PPL: variants seen among roughly 807,000 people sequenced by gnomAD.
PPL encodes the protein periplakin.
In PPL, 198 loss-of-function variants were observed where a neutral mutation model predicts 194.4. That is an observed-to-expected ratio of 1.02 (90% CI 0.91 to 1.15). The LOEUF (loss-of-function observed/expected upper bound fraction) is 1.15, where lower values mean the gene tolerates loss of function less well. Ranked by LOEUF, PPL falls within the 50% of genes most tolerant of loss-of-function variation. The pLI is 0.00. For missense variants in PPL, 2,885 were observed against 2,294.8 expected, an observed-to-expected ratio of 1.26 and a Z score of -5.25; for synonymous variants, 1,220 against 972.4, an observed-to-expected ratio of 1.25 and a Z score of -4.74.
chr16:4,909,707 G>C (rs138117077), intron 2 of PPL, among the ~76,000 whole-genome samples: 5 of 152,086 alleles, frequency 3.3e-5, no homozygotes, highest in African/African-American at 1.2e-4. Context: ...GATTACGGCC[G>C]TGTGAGCCAT....
chr16:4,893,524 G>C lies in PPL; in HGVS notation c.1492+17C>G, dbSNP rs952905992. ...CCGGTACCCCCAGAGCCTCAGGCGA[G>C]TGGCCCTGGCACCCACCTCCGGGAT... On this transcript the variant is annotated intron_variant, in intron 13 of 21. Transcript: ENST00000345988. 1.9e-6 allele frequency: 3 copies of C among 1,611,276 alleles called. No individual in the cohort carries two copies. The highest frequency in any genetic ancestry group is 4.5e-5 in the East Asian group (2 of 44,786).
chr16:4,884,324 G>T lies in PPL; in HGVS notation c.4331C>A (p.Thr1444Lys), dbSNP rs367794477. Residue 1444 changes from threonine to lysine, a missense_variant, in exon 22 of 22, where the codon ACG (threonine) becomes AAG (lysine). By Grantham distance (78) the Thr-to-Lys change is moderately conservative (BLOSUM62 -1). Coordinates refer to ENST00000345988, the MANE Select transcript of PPL (RefSeq NM_002705.5). The surrounding 1 kb of genome is among the most constrained non-coding windows in gnomAD (Gnocchi z 5.7). ...EAEAREKVTH[T>K]QKVVLQQDPQ... ...GTCCTGCTGCAGCACCACCTTCTGC[G>T]TATGGGTTACCTTCTCACGGGCCTC... is the stretch of plus-strand genomic sequence containing the variant. The T allele has an allele frequency of 6.2e-7, 1 of 1,613,122 alleles. No individual in the cohort carries two copies. Among genetic ancestry groups the T allele is most frequent in the East Asian group, 2.2e-5 (1 of 44,864 alleles).
At chr16:4,909,362 G>A (rs1026236782) in intron 2 of PPL, among the ~76,000 whole-genome samples, 2 of 151,692 alleles carry the variant, frequency 1.3e-5, no homozygotes, top group African/African-American at 2.4e-5. Flanking sequence ...CAGCTTGGCC[G>A]GGTAGACCTT....
At chr16:4,897,248 T>A (rs1233932732) in intron 9 of PPL, among the ~76,000 whole-genome samples, 1 of 135,936 alleles carries the variant, frequency 7.4e-6, no homozygotes, top group Non-Finnish European at 1.5e-5. Context: ...GGCAGGAGAA[T>A]CACTTGAACC....
At chr16:4,913,775 G>A (rs973899486) in intron 1 of PPL, among the ~76,000 whole-genome samples, 3 of 152,210 alleles carry the variant, frequency 2.0e-5, no homozygotes, top group Non-Finnish European at 2.9e-5. Flanking sequence ...GTTAGCCAGC[G>A]ATGATAGCTC....
intron 1 of PPL, among the ~76,000 whole-genome samples, chr16:4,932,344 T>C (rs772857845): frequency 3.0e-4 from 45 of 152,004 alleles, no homozygotes; most frequent in Non-Finnish European, 1.0e-4. Flanking sequence ...CACTGATCGA[T>C]GGGTGCATGT....
At chr16:4,906,520 C>T (rs2088687125) in intron 2 of PPL, among the ~76,000 whole-genome samples, 1 of 152,184 alleles carries the variant, frequency 6.6e-6, no homozygotes, top group African/African-American at 2.4e-5. Flanking sequence ...CCACCGCGCC[C>T]GGCCTGCTTG....
chr16:4,908,536 T>G (rs895440327), intron 2 of PPL, among the ~76,000 whole-genome samples: 5 of 151,860 alleles, frequency 3.3e-5, no homozygotes, highest in Non-Finnish European at 7.4e-5. Context: ...TGACTGACTT[T>G]ATTGATTGAT....
intron 2 of PPL, among the ~76,000 whole-genome samples, chr16:4,905,553 T>C (rs2088665213): frequency 6.6e-6 from 1 of 152,250 alleles, no homozygotes; most frequent in African/African-American, 2.4e-5. Context: ...TCAAAATCAT[T>C]GACTTGTACA....
At position 4,885,994 on chromosome 16, in the gene PPL, A is replaced by G. The variant is rs1278915221; in HGVS notation, c.2661T>C (p.Ser887=). ...TGATCTTCCACGCCTCCTCCACTCCAGAGTCCGGCCTATTCCTTTGCAGGG... is the reference window on the plus strand; with the variant it reads ...TGATCTTCCACGCCTCCTCCACTCCGGAGTCCGGCCTATTCCTTTGCAGGG... The part of the protein sequence containing the change: ...HETLQRNRPD[S]GVEEAWKIRK... The change falls in exon 22 of 22, where the codon TCT becomes TCC. Residue 887 remains serine (S), a synonymous_variant. Coordinates refer to ENST00000345988, the MANE Select transcript of PPL (RefSeq NM_002705.5). The surrounding 1 kb of genome is among the most constrained non-coding windows in gnomAD (Gnocchi z 6.3). The G allele has an allele frequency of 1.2e-6, 2 of 1,613,884 alleles. No homozygotes were observed. Among genetic ancestry groups the G allele is most frequent in the Non-Finnish European group, 1.7e-6 (2 of 1,180,016 alleles).
intron 1 of PPL, among the ~76,000 whole-genome samples, chr16:4,919,345 C>T (rs1163534660): frequency 6.6e-6 from 1 of 152,218 alleles, no homozygotes; most frequent in Admixed American, 6.5e-5. Flanking sequence ...GGGTTCAGAT[C>T]CTGACTGCAC....
chr16:4,916,442 C>G (rs2088917982), intron 1 of PPL, among the ~76,000 whole-genome samples: 1 of 151,980 alleles, frequency 6.6e-6, no homozygotes, highest in Admixed American at 6.6e-5. Flanking sequence ...GAACTCCTGA[C>G]CTCAGGTGAT....
At chr16:4,936,192 A>ACGC (rs1351412830) in intron 1 of PPL, among the ~76,000 whole-genome samples, 2 of 152,066 alleles carry the variant, frequency 1.3e-5, no homozygotes, top group African/African-American at 2.4e-5. Flanking sequence ...CGGCTCAGAG[A>ACGC]CGCCGCCAGT....
At position 4,923,086 on chromosome 16, in the gene PPL, C is replaced by A. The variant is rs75132295; in HGVS notation, c.63-12137G>T. ...ATTTGAAGGGTACAGGGTGTTCCCACTGCTCTGAGAACGTTCTTCCGTCCG... is the reference window on the plus strand; with the variant it reads ...ATTTGAAGGGTACAGGGTGTTCCCAATGCTCTGAGAACGTTCTTCCGTCCG... On this transcript the variant is annotated intron_variant, in intron 1 of 21. Transcript: ENST00000345988. Among the ~76,000 whole-genome samples, 624 of 152,258 alleles carry A rather than the reference C, an allele frequency of 4.1e-3. 4 individuals carry two copies. Among genetic ancestry groups the A allele is most frequent in the African/African-American group, 0.014 (591 of 41,548 alleles).
In PPL at chr16:4,884,712, G is replaced by A; in HGVS notation, c.3943C>T (p.Leu1315Phe). Residue 1315 changes from leucine (L) to phenylalanine (F), a missense_variant, in exon 22 of 22, where the codon CTC becomes TTC. Physicochemically the swap from Leu to Phe is conservative, Grantham distance 22. Transcript: ENST00000345988. This position sits in a 1 kb window ranked among gnomAD's most constrained non-coding sequence, Gnocchi z 5.7. ...KEEVASLRAKLSEEQKKQVDL... is the reference protein window; with the variant it reads ...KEEVASLRAKFSEEQKKQVDL... ...ACTTGTTTCTTCTGCTCCTCTGAGA[G>A]CTTTGCCCTCAGAGACGCCACCTCC... 1 of 1,614,108 alleles carries A rather than the reference G, an allele frequency of 6.2e-7. No homozygotes were observed.
At chr16:4,918,497 C>G (rs1355795732) in intron 1 of PPL, among the ~76,000 whole-genome samples, 1 of 152,154 alleles carries the variant, frequency 6.6e-6, no homozygotes, top group Non-Finnish European at 1.5e-5. Flanking sequence ...ATTAGCTCAT[C>G]AATCCTACCA....
intron 1 of PPL, among the ~76,000 whole-genome samples, chr16:4,921,923 G>C (rs554098293): frequency 6.6e-6 from 1 of 152,092 alleles, no homozygotes; most frequent in South Asian, 2.1e-4. Context: ...GGATGCCCGT[G>C]AGAGGAGCTG....
At chr16:4,912,941 TA>T (rs1211332126) in intron 1 of PPL, among the ~76,000 whole-genome samples, 12 of 151,960 alleles carry the variant, frequency 7.9e-5, no homozygotes. Flanking sequence ...CCATCTCTAC[TA>T]AAAATACAAA....
rs1191568863 is a variant in PPL, at chr16:4,893,316, C to T, written c.1547G>A (p.Ser516Asn). Residue 516 changes from serine to asparagine, a missense_variant, in exon 14 of 22, where the codon AGC becomes AAC. Physicochemically the swap from Ser to Asn is conservative, Grantham distance 46 (BLOSUM62 1). Transcript: ENST00000345988. ...QLLAGLDKVA[S>N]DLDRQEKAIT... ...GGCCTTCTCCTGCCGGTCCAGGTCG[C>T]TGGCCACCTTGTCCAAGCCAGCCAG... The T allele has an allele frequency of 4.4e-6, 7 of 1,608,266 alleles. No homozygotes were observed. Among genetic ancestry groups the T allele is most frequent in the Non-Finnish European group, 5.9e-6 (7 of 1,179,564 alleles).
Sources: gnomAD v4.1 joint callset for allele counts (sites outside exome capture counted in the v4.1 genomes callset) on GRCh38, gnomAD v4.1.1 for gene constraint, Gnocchi (gnomAD v3.1) non-coding constraint, MANE v1.5 for transcripts, NCBI Gene and HGNC (gene_info 2026-07-23, HGNC 2026-07-21) for gene names.